Variants in SGCD observed in about 807,000 individuals in gnomAD.
SGCD encodes the protein delta-sarcoglycan.
A neutral mutation model predicts 36.6 loss-of-function variants in SGCD; 18 were observed. That is an observed-to-expected ratio of 0.49 (90% CI 0.34 to 0.73). The LOEUF (loss-of-function observed/expected upper bound fraction) is 0.73. Among genes scored for constraint, SGCD ranks in the 30% least tolerant of loss-of-function variants. SGCD has a pLI of 0.01. For synonymous variants in SGCD, 133 were observed against 130.6 expected (o/e 1.02, Z -0.12); for missense variants, 387 against 346.7 (o/e 1.12, Z -0.92).
chr5:156,314,360 G>A (rs1038276555), intron 3 of SGCD, among the ~76,000 whole-genome samples: 1 of 151,624 alleles, frequency 6.6e-6, no homozygotes, highest in Non-Finnish European at 1.5e-5. Flanking sequence ...ATTTAGGCAG[G>A]GCATAAAGTA....
intron 3 of SGCD, among the ~76,000 whole-genome samples, chr5:156,208,047 G>C (rs938176989): frequency 6.6e-6 from 1 of 152,026 alleles, no homozygotes; most frequent in African/African-American, 2.4e-5. Context: ...AGCTGTGAGA[G>C]ATAAAATATA....
intron 3 of SGCD, among the ~76,000 whole-genome samples, chr5:156,276,189 G>A (rs780701721): frequency 6.6e-6 from 1 of 152,082 alleles, no homozygotes; most frequent in Non-Finnish European, 1.5e-5. Context: ...TAGGTGCATG[G>A]CAATTAAGAT....
At chr5:156,548,117 T>A (rs1758654149) in intron 4 of SGCD, among the ~76,000 whole-genome samples, 1 of 152,212 alleles carries the variant, frequency 6.6e-6, no homozygotes, top group Non-Finnish European at 1.5e-5. Flanking sequence ...CCTGAGTCAC[T>A]AAAGAGTGAG....
chr5:155,919,578 C>G (rs992442088), intron 1 of SGCD, among the ~76,000 whole-genome samples: 1 of 152,198 alleles, frequency 6.6e-6, no homozygotes, highest in South Asian at 2.1e-4. Flanking sequence ...AAACAAAATG[C>G]GGCTATATTT....
At chr5:156,705,017 A>G (rs1335593210) in intron 7 of SGCD, among the ~76,000 whole-genome samples, 3 of 152,082 alleles carry the variant, frequency 2.0e-5, no homozygotes, top group Admixed American at 2.0e-4. Context: ...TTGAGATAGT[A>G]TGGAAGAAGA....
At chr5:156,681,309 G>A (rs1753713231) in intron 7 of SGCD, among the ~76,000 whole-genome samples, 1 of 152,168 alleles carries the variant, frequency 6.6e-6, no homozygotes, top group Admixed American at 6.5e-5. Context: ...CTCCATCCAG[G>A]CCCCTCTCTG....
the SGCD span, among the ~76,000 whole-genome samples, chr5:155,825,250 T>C: frequency 6.6e-6 from 1 of 152,166 alleles, no homozygotes; most frequent in Non-Finnish European, 1.5e-5. Flanking sequence ...GCGGACTTCC[T>C]CTAGACTTAG....
intron 1 of SGCD, among the ~76,000 whole-genome samples, chr5:155,937,148 C>T (rs944481276): frequency 1.3e-5 from 2 of 152,206 alleles, no homozygotes; most frequent in Non-Finnish European, 2.9e-5. Context: ...CCAAAGAGCA[C>T]AGAGAGGCCC....
chr5:156,384,566 C>T (rs766504411), intron 3 of SGCD, among the ~76,000 whole-genome samples: 1 of 151,966 alleles, frequency 6.6e-6, no homozygotes, highest in Admixed American at 6.6e-5. Context: ...GTTGAATAAT[C>T]GAATAAATGC....
chr5:155,922,489 T>G (rs1756898527), intron 1 of SGCD, among the ~76,000 whole-genome samples: 1 of 152,168 alleles, frequency 6.6e-6, no homozygotes, highest in South Asian at 2.1e-4. Context: ...TCACTGAAGA[T>G]CTTCATTTAT....
intron 3 of SGCD, among the ~76,000 whole-genome samples, chr5:156,294,363 G>A (rs939923174): frequency 6.6e-6 from 1 of 152,022 alleles, no homozygotes; most frequent in Admixed American, 6.6e-5. Flanking sequence ...TCAGGAGGCC[G>A]AGGCAAGAGG....
chr5:156,485,864 G>T (rs1755633644), intron 3 of SGCD, among the ~76,000 whole-genome samples: 2 of 152,078 alleles, frequency 1.3e-5, no homozygotes, highest in South Asian at 4.1e-4. Context: ...TCAGTTCAGA[G>T]CCAGGAAAAA....
the SGCD span, among the ~76,000 whole-genome samples, chr5:155,765,281 A>G: frequency 6.6e-6 from 1 of 151,368 alleles, no homozygotes; most frequent in Non-Finnish European, 1.5e-5. Context: ...CCCTGTCGAA[A>G]GAAAGAAAGA....
intron 7 of SGCD, among the ~76,000 whole-genome samples, chr5:156,728,733 A>G (rs969581300): frequency 1.3e-5 from 2 of 151,972 alleles, no homozygotes; most frequent in African/African-American, 2.4e-5. Flanking sequence ...ACCGTGCACA[A>G]TGGTCTGTGT....
At chr5:156,501,450 C>A (rs561262456) in intron 3 of SGCD, among the ~76,000 whole-genome samples, 1 of 152,132 alleles carries the variant, frequency 6.6e-6, no homozygotes, top group Non-Finnish European at 1.5e-5. Flanking sequence ...CAGTCTATTG[C>A]GCTGCTACTC....
chr5:156,007,184 C>A (rs187203895), intron 1 of SGCD, among the ~76,000 whole-genome samples: 1 of 152,286 alleles, frequency 6.6e-6, no homozygotes, highest in African/African-American at 2.4e-5. Flanking sequence ...GCCCCCCAGA[C>A]ACTTGCTTCA....
At chr5:156,497,062 A>G (rs1756226107) in intron 3 of SGCD, among the ~76,000 whole-genome samples, 1 of 152,156 alleles carries the variant, frequency 6.6e-6, no homozygotes, top group Non-Finnish European at 1.5e-5. Flanking sequence ...AAAGCGTACC[A>G]GGAAGTGGTT....
At chr5:156,540,517 G>T (rs1758309240) in intron 4 of SGCD, among the ~76,000 whole-genome samples, 1 of 152,108 alleles carries the variant, frequency 6.6e-6, no homozygotes, top group Non-Finnish European at 1.5e-5. Flanking sequence ...TAGCTAAGCT[G>T]CATAATTTAA....
the SGCD span, among the ~76,000 whole-genome samples, chr5:155,778,241 T>C: frequency 3.9e-5 from 6 of 152,212 alleles, no homozygotes; most frequent in African/African-American, 1.4e-4. Flanking sequence ...GTGTCTTGCA[T>C]GGCTTAGTTC....
Sources: allele counts gnomAD v4.1 joint callset (sites outside exome capture counted in the v4.1 genomes callset), GRCh38; gene constraint gnomAD v4.1.1; transcripts MANE v1.5; gene names NCBI Gene and HGNC (gene_info 2026-07-23, HGNC 2026-07-21).